Variants in PLEKHA2 observed in about 807,000 individuals in gnomAD.
PLEKHA2 encodes pleckstrin homology domain containing A2.
Under a neutral mutation model 53.2 loss-of-function variants are expected in PLEKHA2, and 28 were observed. The observed-to-expected ratio is 0.53, with a 90% CI of 0.39 to 0.72. The LOEUF (loss-of-function observed/expected upper bound fraction) is 0.72, where lower values mean the gene tolerates loss of function less well. PLEKHA2 is among the 30% of genes least tolerant of loss of function. The pLI is 0.00. For synonymous variants in PLEKHA2, 193 were observed against 196.4 expected, an observed-to-expected ratio of 0.98 and a Z score of 0.14; for missense variants, 426 against 537.9, an observed-to-expected ratio of 0.79 and a Z score of 2.06.
intron 10 of PLEKHA2, among the ~76,000 whole-genome samples, chr8:38,963,861 A>G (rs906436943): frequency 1.3e-5 from 2 of 152,222 alleles, no homozygotes; most frequent in Non-Finnish European, 2.9e-5. Flanking sequence ...TGACCGAAAA[A>G]TGTTCTTAAG....
chr8:38,922,124 C>A lies in PLEKHA2; in HGVS notation c.141+4054C>A, dbSNP rs891896514. ...AAAAGTAGCACAGCTGGGACTCTAA[C>A]CCCGGCAGTCTAACTCTAGTGCCCC... On this transcript the variant is annotated intron_variant, in intron 2 of 11. Coordinates refer to ENST00000617275, the MANE Select transcript of PLEKHA2 (RefSeq NM_021623.2). This position sits in a 1 kb window ranked among gnomAD's most constrained non-coding sequence, Gnocchi z 4.0. Among the ~76,000 whole-genome samples the A allele has an allele frequency of 1.3e-5, 2 of 152,160 alleles. No homozygotes were observed. The highest frequency in any genetic ancestry group is 2.9e-5 in the Non-Finnish European group (2 of 68,032).
intron 9 of PLEKHA2, among the ~76,000 whole-genome samples, chr8:38,955,442 G>A (rs574453114): frequency 2.9e-4 from 44 of 152,258 alleles, no homozygotes; most frequent in Admixed American, 4.6e-4. Context: ...ACATTATGCC[G>A]GATGCCTTCT....
intron 1 of PLEKHA2, among the ~76,000 whole-genome samples, chr8:38,912,679 A>G (rs928844627): frequency 6.6e-4 from 101 of 152,298 alleles, no homozygotes; most frequent in African/African-American, 2.4e-3. Flanking sequence ...GCAACTGTTG[A>G]GACAAAGGAT....
intron 5 of PLEKHA2, 139 bp downstream of exon 5, chr8:38,946,360 T>A: frequency 2.9e-6 from 2 of 678,586 alleles, no homozygotes; most frequent in South Asian, 3.7e-5. Context: ...CTCTCCCACC[T>A]CGTCTTTTTC....
chr8:38,935,059 G>A (rs1476266452), intron 2 of PLEKHA2, among the ~76,000 whole-genome samples: 1 of 152,012 alleles, frequency 6.6e-6, no homozygotes, highest in Non-Finnish European at 1.5e-5. Context: ...TGTCACCCAG[G>A]CTGGAGTGCA....
Position 38,933,790 on chromosome 8 carries a change from A to AAAAAAAAAAAAG in PLEKHA2, c.142-2200_142-2199insAAAAAAAGAAAA, listed in dbSNP as rs71216697. ...AATAGAGGTTTCCTAAAAAAAAAAA[A>AAAAAAAAAAAAG]AAAAGAAAAGAAAGAAAAGCAGTCG... On this transcript the variant is annotated intron_variant, in intron 2 of 11. Transcript: ENST00000617275. Among the ~76,000 whole-genome samples the AAAAAAAAAAAAG allele has an allele frequency of 3.0e-3, 269 of 90,618 alleles. 10 individuals are homozygous for AAAAAAAAAAAAG. The highest frequency in any genetic ancestry group is 9.4e-3 in the African/African-American group (245 of 25,960). 59.4% of individuals were successfully genotyped at this position (90,618 alleles called of 152,430 possible).
chr8:38,954,927 G>C (rs1288583771), intron 9 of PLEKHA2, among the ~76,000 whole-genome samples: 1 of 152,148 alleles, frequency 6.6e-6, no homozygotes, highest in African/African-American at 2.4e-5. Context: ...CCCGCTACTT[G>C]GGAGGCTGAG....
At position 38,951,004 on chromosome 8, in the gene PLEKHA2, CTG is replaced by C. The variant is rs1834825747; in HGVS notation, c.486+15_486+16del. The C allele has an allele frequency of 1.4e-5, 21 of 1,457,914 alleles. No homozygotes were observed. Among genetic ancestry groups the C allele is most frequent in the Non-Finnish European group, 1.8e-5 (20 of 1,088,644 alleles). 90.3% of individuals were successfully genotyped at this position (1,457,914 alleles called of 1,614,324 possible). A position where few individuals can be genotyped will look rare whatever the true frequency, so the allele number is the denominator to read the frequency against. ...CCCATCAGCCAGGTGAGGGGCCTGA[CTG>C]GGGCTGCGGGGGGAGTGGGGGTGTG... On this transcript the variant is annotated intron_variant, in intron 6 of 11. Transcript: ENST00000617275.
chr8:38,941,004 A>T (rs1762925329), intron 3 of PLEKHA2, among the ~76,000 whole-genome samples: 2 of 151,644 alleles, frequency 1.3e-5, no homozygotes, highest in African/African-American at 4.8e-5. Flanking sequence ...CTGGGCAATC[A>T]TCTTGCACAC....
At chr8:38,956,202 A>G (rs1834937435) in intron 9 of PLEKHA2, among the ~76,000 whole-genome samples, 1 of 152,190 alleles carries the variant, frequency 6.6e-6, no homozygotes. Context: ...AACACTGGGA[A>G]ATAACTTGGG....
At chr8:38,957,262 A>G in intron 9 of PLEKHA2, 61 bp from the exon 10 acceptor site, 1 of 1,370,216 alleles carries the variant, frequency 7.3e-7, no homozygotes, top group South Asian at 1.2e-5. Flanking sequence ...GTCTTAGGAC[A>G]TATCGAGTCC....
At chr8:38,909,074 C>T (rs936398486) in intron 1 of PLEKHA2, among the ~76,000 whole-genome samples, 14 of 151,418 alleles carry the variant, frequency 9.2e-5, no homozygotes, top group Middle Eastern at 3.4e-3. Context: ...ACCTGGGAGG[C>T]GGAGGTTGCA....
intron 3 of PLEKHA2, among the ~76,000 whole-genome samples, chr8:38,939,109 G>A (rs1263156154): frequency 6.6e-6 from 1 of 151,974 alleles, no homozygotes; most frequent in Non-Finnish European, 1.5e-5. Context: ...TCACCATGTT[G>A]ACCAGGCTGG....
chr8:38,953,197 T>G lies in PLEKHA2; in HGVS notation c.703-100T>G, dbSNP rs1834878872. 6.2e-6 allele frequency: 6 copies of G among 964,604 alleles called. No homozygotes were observed. In the South Asian group the frequency reaches 8.2e-5, roughly 13 times the overall value. 59.8% of individuals were successfully genotyped at this position (964,604 alleles called of 1,614,324 possible). A position where few individuals can be genotyped will look rare whatever the true frequency, so the allele number is the denominator to read the frequency against. On this transcript the variant is annotated intron_variant, in intron 8 of 11. Transcript: ENST00000617275. ...GACCAGATTATTTGTCAACCTGATT[T>G]TAGCCAACCATCTCTGAGAAAGGGG...
intron 4 of PLEKHA2, among the ~76,000 whole-genome samples, chr8:38,944,271 T>C (rs183744373): frequency 1.3e-5 from 2 of 152,068 alleles, no homozygotes; most frequent in Non-Finnish European, 2.9e-5. Flanking sequence ...TCCCAGCACG[T>C]TGGGAGGCCG....
intron 6 of PLEKHA2, among the ~76,000 whole-genome samples, chr8:38,951,696 T>C (rs976317948): frequency 6.6e-6 from 1 of 151,174 alleles, no homozygotes; most frequent in Non-Finnish European, 1.5e-5. Flanking sequence ...GGAGATGGGG[T>C]TTTGCCATGT....
chr8:38,932,956 G>A (rs1015813985), intron 2 of PLEKHA2, among the ~76,000 whole-genome samples: 1 of 152,188 alleles, frequency 6.6e-6, no homozygotes, highest in Admixed American at 6.5e-5. Flanking sequence ...GAGAGTGGCT[G>A]CGGCATCTTT....
Position 38,902,074 on chromosome 8 carries a change from G to T in PLEKHA2, c.-24+629G>T, listed in dbSNP as rs62503456. 2.0e-5 allele frequency: 3 copies of T among 152,294 alleles called. 1 individual carries two copies. The South Asian group carries it at 6.2e-4, about 32-fold the overall frequency. The allele number at this position is 152,294 out of a possible 1,614,324, so 9.4% of individuals were successfully genotyped here. Reference sequence around the variant, plus strand: ...AAGGACTGCCCTAAAATGCAGGTTCGGTGCCAGGTTGGGTGAGCCCTCGAG... The same window carrying T: ...AAGGACTGCCCTAAAATGCAGGTTCTGTGCCAGGTTGGGTGAGCCCTCGAG... On this transcript the variant is annotated intron_variant, in intron 1 of 11. Transcript: ENST00000617275.
chr8:38,955,821 C>T (rs1214628628), intron 9 of PLEKHA2, among the ~76,000 whole-genome samples: 2 of 152,062 alleles, frequency 1.3e-5, no homozygotes, highest in East Asian at 3.9e-4. Context: ...TCCTTATGTT[C>T]TTTTTTTGTT....
Sources: allele counts gnomAD v4.1 joint callset (sites outside exome capture counted in the v4.1 genomes callset), GRCh38; gene constraint gnomAD v4.1.1; non-coding constraint Gnocchi (gnomAD v3.1); transcripts MANE v1.5; gene names NCBI Gene and HGNC (gene_info 2026-07-23, HGNC 2026-07-21).